Variants in FHIT observed in about 807,000 individuals in gnomAD.
The protein encoded by FHIT is bis(5'-adenosyl)-triphosphatase.
FHIT carries 19 observed loss-of-function variants against 17.9 expected under a neutral mutation model. The ratio of observed to expected loss-of-function variants is 1.06; its 90% CI spans 0.74 to 1.56. The LOEUF is 1.56. Ranked by LOEUF, FHIT falls within the 40% of genes most tolerant of loss-of-function variation. The pLI is 0.00. For synonymous variants in FHIT, 81 were observed against 69.7 expected, an observed-to-expected ratio of 1.16 and a Z score of -0.81; for missense variants, 248 against 189.2, an observed-to-expected ratio of 1.31 and a Z score of -1.82.
intron 3 of FHIT, among the ~76,000 whole-genome samples, chr3:60,989,489 A>T (rs938273078): frequency 6.6e-6 from 1 of 152,140 alleles, no homozygotes; most frequent in African/African-American, 2.4e-5. Context: ...TTTGCTTAGG[A>T]TTCAATGTAT....
intron 2 of FHIT, among the ~76,000 whole-genome samples, chr3:61,135,079 T>G (rs2036873649): frequency 6.6e-6 from 1 of 152,080 alleles, no homozygotes; most frequent in South Asian, 2.1e-4. Context: ...AAATCAGAGA[T>G]AATTTCACAG....
At chr3:61,059,131 C>T (rs2034333657) in intron 2 of FHIT, among the ~76,000 whole-genome samples, 1 of 152,200 alleles carries the variant, frequency 6.6e-6, no homozygotes, top group Non-Finnish European at 1.5e-5. Context: ...ATTTGTTATG[C>T]TGTTAGCTAA....
At position 60,673,810 on chromosome 3, in the gene FHIT, A is replaced by T. The variant is rs140039703; in HGVS notation, c.-17-136831T>A. Among the ~76,000 whole-genome samples, 1,015 of 151,514 alleles carry T rather than the reference A, an allele frequency of 6.7e-3. 12 individuals are homozygous for T. The highest frequency in any genetic ancestry group is 0.022 in the African/African-American group (905 of 41,268). ...GTTCTCCTATATGTAATGTCTCTCC[A>T]CTCCTCCCATCCTCAGCAGCTTTTT... On this transcript the variant is annotated intron_variant, in intron 4 of 9. Transcript: ENST00000492590.
chr3:61,249,933 A>AACACAC (rs71100943), intron 1 of FHIT, among the ~76,000 whole-genome samples: 1,373 of 126,070 alleles, frequency 0.011, 20 homozygotes, highest in Admixed American at 0.014. Flanking sequence ...AATCAATAAC[A>AACACAC]ACACACACAC....
chr3:61,043,335 C>A (rs974567685), intron 2 of FHIT, among the ~76,000 whole-genome samples: 1 of 152,218 alleles, frequency 6.6e-6, no homozygotes, highest in African/African-American at 2.4e-5. Flanking sequence ...GGTCCCACGC[C>A]TAGCTCGGAG....
At chr3:60,044,999 C>T (rs376169181) in intron 5 of FHIT, among the ~76,000 whole-genome samples, 1 of 152,038 alleles carries the variant, frequency 6.6e-6, no homozygotes, top group African/African-American at 2.4e-5. Flanking sequence ...CAAAGTCTTA[C>T]GTACCTTCTT....
At chr3:60,858,440 G>A (rs1352670846) in intron 3 of FHIT, among the ~76,000 whole-genome samples, 7 of 152,080 alleles carry the variant, frequency 4.6e-5, no homozygotes, top group Non-Finnish European at 1.0e-4. Context: ...TTCAGACCCT[G>A]AAAACTCGAT....
At chr3:60,156,721 C>G (rs530503882) in intron 5 of FHIT, among the ~76,000 whole-genome samples, 2 of 152,262 alleles carry the variant, frequency 1.3e-5, no homozygotes, top group Admixed American at 1.3e-4. Context: ...CACTGACTTT[C>G]ACCTGGGCAA....
At chr3:59,783,460 T>G (rs1384331680) in intron 8 of FHIT, among the ~76,000 whole-genome samples, 1 of 152,098 alleles carries the variant, frequency 6.6e-6, no homozygotes, top group East Asian at 1.9e-4. Context: ...AGAGCGAGAC[T>G]TGATCTCACA....
chr3:60,995,321 A>AAATAAT (rs529052622), intron 3 of FHIT, among the ~76,000 whole-genome samples: 3,633 of 151,718 alleles, frequency 0.024, 73 homozygotes, highest in African/African-American at 0.054. Context: ...CTCTGTCTCA[A>AAATAAT]AATAATAATA....
At chr3:60,900,936 C>T (rs1706086386) in intron 3 of FHIT, among the ~76,000 whole-genome samples, 1 of 152,134 alleles carries the variant, frequency 6.6e-6, no homozygotes, top group Admixed American at 6.5e-5. Flanking sequence ...TGCCACCACG[C>T]TCGGCTAATA....
At chr3:60,153,260 G>A (rs1409918660) in intron 5 of FHIT, among the ~76,000 whole-genome samples, 1 of 149,658 alleles carries the variant, frequency 6.7e-6, no homozygotes, top group Non-Finnish European at 1.5e-5. Flanking sequence ...ACCCAGACTA[G>A]AACCTGTGTT....
At chr3:60,682,821 G>A (rs1302412331) in intron 4 of FHIT, among the ~76,000 whole-genome samples, 1 of 152,168 alleles carries the variant, frequency 6.6e-6, no homozygotes, top group Admixed American at 6.5e-5. Flanking sequence ...ATTGATCTGG[G>A]CAAAGTAAAA....
chr3:59,991,778 A>C (rs17254065), intron 7 of FHIT, among the ~76,000 whole-genome samples: 14,839 of 152,076 alleles, frequency 0.098, 979 homozygotes, highest in South Asian at 0.19. Flanking sequence ...ATGTCGGCCA[A>C]GATGCTCAAC....
At chr3:59,975,132 A>G (rs1313419023) in intron 7 of FHIT, among the ~76,000 whole-genome samples, 1 of 152,176 alleles carries the variant, frequency 6.6e-6, no homozygotes, top group Non-Finnish European at 1.5e-5. Context: ...CCAAGAAGCT[A>G]GGATACAGGG....
At chr3:60,374,176 T>C (rs1210820860) in intron 5 of FHIT, among the ~76,000 whole-genome samples, 3 of 152,148 alleles carry the variant, frequency 2.0e-5, no homozygotes, top group African/African-American at 7.2e-5. Flanking sequence ...TCTATCAATC[T>C]CAAGTCTTTT....
intron 1 of FHIT, among the ~76,000 whole-genome samples, chr3:61,240,580 A>G (rs144839628): frequency 6.6e-4 from 100 of 152,336 alleles, no homozygotes; most frequent in African/African-American, 2.3e-3. Context: ...ATTTTGAGGT[A>G]TTATGGGCAA....
intron 2 of FHIT, among the ~76,000 whole-genome samples, chr3:61,090,881 A>G (rs903175114): frequency 6.6e-6 from 1 of 152,182 alleles, no homozygotes; most frequent in Non-Finnish European, 1.5e-5. Context: ...AAAATTGATG[A>G]CATCACTCCA....
chr3:60,895,381 T>C (rs561695800), intron 3 of FHIT, among the ~76,000 whole-genome samples: 1 of 152,330 alleles, frequency 6.6e-6, no homozygotes, highest in South Asian at 2.1e-4. Flanking sequence ...TACCTCACTG[T>C]ATGTGTGTGT....
Sources: allele counts gnomAD v4.1 joint callset (sites outside exome capture counted in the v4.1 genomes callset), GRCh38; gene constraint gnomAD v4.1.1; transcripts MANE v1.5; gene names NCBI Gene and HGNC (gene_info 2026-07-23, HGNC 2026-07-21).